Variants in EVC2 observed in about 807,000 individuals in gnomAD.
EVC2 encodes the protein EvC ciliary complex subunit 2, also known as limbin.
EVC2 carries 148 observed loss-of-function variants against 149.3 expected under a neutral mutation model. The observed-to-expected ratio is 0.99, with a 90% CI of 0.87 to 1.14. The LOEUF is 1.14. EVC2 is among the 50% of genes most tolerant of loss of function. The pLI is 0.00. For missense variants in EVC2, 1,854 were observed against 1,627.3 expected (o/e 1.14, Z -2.40); for synonymous variants, 776 against 649.9 (o/e 1.19, Z -2.95).
chr4:5,636,251 T>C lies in EVC2; in HGVS notation c.1471-4219A>G, dbSNP rs1716883988. 6.6e-6 allele frequency among the ~76,000 whole-genome samples: 1 copy of C among 152,162 alleles called. No individual in the cohort carries two copies. Among genetic ancestry groups the C allele is most frequent in the Non-Finnish European group, 1.5e-5 (1 of 68,028 alleles). On this transcript the variant is annotated intron_variant, in intron 10 of 21. Transcript: ENST00000344408. The surrounding 1 kb of genome is among the most constrained non-coding windows in gnomAD (Gnocchi z 4.6). ...ATATCCCCCAATACTCTCCCCAAGG[T>C]TTCTCAATGGAGAAATGCTTTGAGA...
At position 5,657,121 on chromosome 4, in the gene EVC2, G is replaced by A. The variant is rs568990137; in HGVS notation, c.1145+5986C>T. ...AGACCACTGCAGGGGAAGGCACCTC[G>A]TCCAGGCAGGGAGGCCCACCAGCCT... On this transcript the variant is annotated intron_variant, in intron 9 of 21. Transcript: ENST00000344408. This position sits in a 1 kb window ranked among gnomAD's most constrained non-coding sequence, Gnocchi z 4.7. Among the ~76,000 whole-genome samples, 3 of 152,152 alleles carry A rather than the reference G, an allele frequency of 2.0e-5. No individual in the cohort carries two copies. The highest frequency in any genetic ancestry group is 2.0e-4 in the East Asian group (1 of 5,126).
At chr4:5,556,856 G>C (rs898551251) in intron 21 of EVC2, among the ~76,000 whole-genome samples, 1 of 152,066 alleles carries the variant, frequency 6.6e-6, no homozygotes, top group Non-Finnish European at 1.5e-5. Context: ...TCCCTTGAAA[G>C]ACAAACTACA....
intron 16 of EVC2, among the ~76,000 whole-genome samples, chr4:5,587,909 GCTGT>G (rs1387830705): frequency 6.6e-6 from 1 of 152,126 alleles, no homozygotes; most frequent in Non-Finnish European, 1.5e-5. Flanking sequence ...GTGGCGCCGG[GCTGT>G]CTGCTTGTGG....
chr4:5,617,782 A>G lies in EVC2; in HGVS notation c.2706+696T>C, dbSNP rs1345073029. ...CTTATCTTATGTTGGGAGCCCCAGA[A>G]GCGGAGCCTGAGGCAGGGATTAGGT... On this transcript the variant is annotated intron_variant, in intron 15 of 21. Transcript: ENST00000344408. 2.0e-5 allele frequency among the ~76,000 whole-genome samples: 3 copies of G among 152,188 alleles called. No individual in the cohort carries two copies. In the East Asian group the frequency reaches 5.8e-4, roughly 29 times the overall value.
rs749901674 is a variant in EVC2 at position 5,565,281 on chromosome 4, C to G, written c.3636G>C (p.Leu1212=). 7.4e-5 allele frequency: 120 copies of G among 1,613,962 alleles called. No homozygotes were observed. The highest frequency in any genetic ancestry group is 2.0e-5 in the Non-Finnish European group (24 of 1,180,020). ...ACCTCTGCTTTCTCTTGCGGGCCCA[C>G]AGCATCTTTTCTAATCCTCTGCTTA... ...DLISRGLEKM[L]WARKRKQSIL... is the part of the protein sequence containing the mutation. Residue 1212 remains leucine, a synonymous_variant, in exon 21 of 22, where the codon CTG becomes CTC. Transcript: ENST00000344408.
In EVC2 at chr4:5,622,869, C is replaced by G; in HGVS notation, c.2169G>C (p.Glu723Asp). 1 of 1,614,158 alleles carries G rather than the reference C, an allele frequency of 6.2e-7. No individual in the cohort carries two copies. Among genetic ancestry groups the G allele is most frequent in the Non-Finnish European group, 8.5e-7 (1 of 1,180,050 alleles). ...LMEEHGATLE[E>D]LQERLDQAAL... ...CGGCCTGGTCCAGACGCTCCTGCAGCTCCTCCAGGGTGGCACCGTGCTCCT... is the reference window on the plus strand; with the variant it reads ...CGGCCTGGTCCAGACGCTCCTGCAGGTCCTCCAGGGTGGCACCGTGCTCCT... The change falls in exon 14 of 22, where the codon GAG (glutamate) becomes GAC (aspartate). Residue 723 changes from glutamate to aspartate, a missense_variant. By Grantham distance (45) the Glu-to-Asp change is conservative. Coordinates refer to ENST00000344408, the MANE Select transcript of EVC2 (RefSeq NM_147127.5). This position sits in a 1 kb window ranked among gnomAD's most constrained non-coding sequence, Gnocchi z 5.8.
intron 11 of EVC2, among the ~76,000 whole-genome samples, chr4:5,631,477 G>A (rs1716524261): frequency 6.6e-6 from 1 of 152,124 alleles, no homozygotes; most frequent in Non-Finnish European, 1.5e-5. Flanking sequence ...ACACCCTCGT[G>A]GGTGTGGGCA....
intron 9 of EVC2, among the ~76,000 whole-genome samples, chr4:5,654,057 T>G (rs6856985): frequency 0.065 from 9,938 of 151,998 alleles, 1,062 homozygotes; most frequent in African/African-American, 0.22. Flanking sequence ...CTACTAAAAA[T>G]ACAAAAATTA....
chr4:5,648,151 T>A (rs886136810), intron 9 of EVC2, among the ~76,000 whole-genome samples: 10 of 152,334 alleles, frequency 6.6e-5, no homozygotes, highest in African/African-American at 2.2e-4. Flanking sequence ...TATTTGTCTT[T>A]TCTTTATGCT....
At chr4:5,531,255 G>A in the EVC2 span, among the ~76,000 whole-genome samples, 1 of 152,132 alleles carries the variant, frequency 6.6e-6, no homozygotes, top group Non-Finnish European at 1.5e-5. Flanking sequence ...GCGCTCCAGG[G>A]AAACAGAACC....
At chr4:5,594,314 G>A (rs1315532058) in intron 16 of EVC2, among the ~76,000 whole-genome samples, 10 of 152,200 alleles carry the variant, frequency 6.6e-5, no homozygotes, top group Non-Finnish European at 1.5e-5. Context: ...CTAACTGGGA[G>A]GCACCTCCCA....
At position 5,623,995 on chromosome 4, in the gene EVC2, T is replaced by C. The variant is rs75321455; in HGVS notation, c.2047-1004A>G. On this transcript the variant is annotated intron_variant, in intron 13 of 21. Coordinates refer to ENST00000344408, the MANE Select transcript of EVC2 (RefSeq NM_147127.5). ...GTGCTAGGCACACAGGATCTGCAAGTTGTAATATTATAAAGGGGGAATCAA... is the reference window on the plus strand; with the variant it reads ...GTGCTAGGCACACAGGATCTGCAAGCTGTAATATTATAAAGGGGGAATCAA... Among the ~76,000 whole-genome samples, 788 of 152,208 alleles carry C rather than the reference T, an allele frequency of 5.2e-3. 3 individuals carry two copies. The highest frequency in any genetic ancestry group is 0.017 in the African/African-American group (687 of 41,524).
intron 9 of EVC2, among the ~76,000 whole-genome samples, chr4:5,647,212 C>T (rs1251661233): frequency 2.6e-5 from 4 of 152,168 alleles, no homozygotes; most frequent in African/African-American, 9.7e-5. Flanking sequence ...GGTGCTGCAG[C>T]CCCTCAAGCC....
chr4:5,668,844 A>G lies in EVC2; in HGVS notation c.871-3195T>C, dbSNP rs544586642. ...GTTGAGTTGAGTTGTGCCCTCCAAA[A>G]AGACATGTTGAAGTCCTAACCCCAA... On this transcript the variant is annotated intron_variant, in intron 7 of 21. Coordinates refer to ENST00000344408, the MANE Select transcript of EVC2 (RefSeq NM_147127.5). Among the ~76,000 whole-genome samples, 28 of 152,320 alleles carry G rather than the reference A, an allele frequency of 1.8e-4. No homozygotes were observed. The South Asian group carries it at 5.6e-3, about 30-fold the overall frequency.
chr4:5,597,047 C>T (rs559375228), intron 16 of EVC2, among the ~76,000 whole-genome samples: 1 of 152,180 alleles, frequency 6.6e-6, no homozygotes, highest in Non-Finnish European at 1.5e-5. Flanking sequence ...AGACTAATAA[C>T]AGGCTCTGAA....
chr4:5,605,191 T>C (rs1303583428), intron 16 of EVC2, among the ~76,000 whole-genome samples: 7 of 152,190 alleles, frequency 4.6e-5, no homozygotes, highest in Non-Finnish European at 1.0e-4. Flanking sequence ...AATGGCATAT[T>C]TGGGGGGAGT....
chr4:5,656,378 T>C (rs1411652874), intron 9 of EVC2, among the ~76,000 whole-genome samples: 2 of 152,112 alleles, frequency 1.3e-5, no homozygotes, highest in African/African-American at 2.4e-5. Context: ...TCCTTCCTCA[T>C]CCTCTTGAGA....
chr4:5,697,394 T>G (rs1721544798), intron 2 of EVC2, among the ~76,000 whole-genome samples, 199 bp downstream of exon 2: 1 of 152,320 alleles, frequency 6.6e-6, no homozygotes, highest in East Asian at 1.9e-4. Context: ...TAGGTTCCAC[T>G]GTGCACTAAC....
intron 1 of EVC2, among the ~76,000 whole-genome samples, chr4:5,699,287 T>G (rs761591361): frequency 6.6e-6 from 1 of 152,224 alleles, no homozygotes; most frequent in Non-Finnish European, 1.5e-5. Context: ...GCCAAACATC[T>G]GGCTTCAGTT....
Sources: allele counts gnomAD v4.1 joint callset (sites outside exome capture counted in the v4.1 genomes callset), GRCh38; gene constraint gnomAD v4.1.1; non-coding constraint Gnocchi (gnomAD v3.1); transcripts MANE v1.5; gene names NCBI Gene and HGNC (gene_info 2026-07-23, HGNC 2026-07-21).